Variants in GRIA3 observed in about 807,000 individuals in gnomAD.
The protein encoded by GRIA3 is glutamate ionotropic receptor AMPA type subunit 3.
GRIA3 carries 3 observed loss-of-function variants against 63.0 expected under a neutral mutation model. The ratio of observed to expected loss-of-function variants is 0.05; its 90% CI spans 0.02 to 0.12. The LOEUF (loss-of-function observed/expected upper bound fraction) is 0.12, where lower values mean the gene tolerates loss of function less well. Ranked by LOEUF, GRIA3 falls within the 10% of genes least tolerant of loss-of-function variation. The pLI, the probability that GRIA3 is intolerant of heterozygous loss-of-function variation, is 1.00. For synonymous variants in GRIA3, 274 were observed against 257.9 expected, an observed-to-expected ratio of 1.06 and a Z score of -0.60; for missense variants, 347 against 700.9, an observed-to-expected ratio of 0.50 and a Z score of 5.70.
At chrX:123,298,195 C>T (rs2044698393) in intron 3 of GRIA3, among the ~76,000 whole-genome samples, 1 of 111,493 alleles carries the variant, frequency 9.0e-6, no homozygotes. Context: ...TGAACAGTCA[C>T]ATGCATGTGT....
chrX:123,208,783 A>G (rs192868941), intron 2 of GRIA3, among the ~76,000 whole-genome samples: 9 of 112,173 alleles, frequency 8.0e-5, no homozygotes, highest in Non-Finnish European at 1.5e-4. Flanking sequence ...TTGTGTATAT[A>G]CAGGTGCTGC....
intron 5 of GRIA3, among the ~76,000 whole-genome samples, chrX:123,368,927 G>A (rs954434764): frequency 4.5e-5 from 5 of 111,693 alleles, no homozygotes; most frequent in South Asian, 3.7e-4. Flanking sequence ...GATTGGTGCC[G>A]GATAGCAAAT....
At chrX:123,382,971 A>T (rs1332090011) in intron 5 of GRIA3, among the ~76,000 whole-genome samples, 1 of 111,903 alleles carries the variant, frequency 8.9e-6, no homozygotes, top group East Asian at 2.8e-4. Context: ...CTTTCTCTCA[A>T]GAAAGATGGC....
At chrX:123,254,531 A>T (rs1325074111) in intron 3 of GRIA3, among the ~76,000 whole-genome samples, 6 of 111,707 alleles carry the variant, frequency 5.4e-5, no homozygotes, top group Non-Finnish European at 9.4e-5. Context: ...ACTCAGAAGG[A>T]TTAAATGAAA....
intron 4 of GRIA3, among the ~76,000 whole-genome samples, chrX:123,341,499 A>G (rs765498535): frequency 1.3e-4 from 8 of 62,459 alleles, no homozygotes; most frequent in Non-Finnish European, 2.4e-4. Flanking sequence ...CATGGCTTAC[A>G]CTAACCTCGC....
In GRIA3 at chrX:123,479,129, T is replaced by C. The variant is rs145775304; in HGVS notation, c.2325-934T>C. 3.3e-3 allele frequency among the ~76,000 whole-genome samples: 372 copies of C among 113,127 alleles called. 2 individuals carry two copies. The highest frequency in any genetic ancestry group is 0.017 in the South Asian group (47 of 2,759). On this transcript the variant is annotated intron_variant, in intron 13 of 15. Transcript: ENST00000620443. ...GGCCTGGCCTCCTGGGGATATGTAC[T>C]AGCCTCTTAGTTGAGGAAGTCTTAT... is the stretch of plus-strand genomic sequence containing the variant.
At chrX:123,475,846 G>T (rs1194240238) in intron 13 of GRIA3, among the ~76,000 whole-genome samples, 1 of 111,470 alleles carries the variant, frequency 9.0e-6, no homozygotes, top group African/African-American at 3.3e-5. Flanking sequence ...AATAAAGAGG[G>T]ATGCTACCCT....
intron 2 of GRIA3, among the ~76,000 whole-genome samples, chrX:123,212,618 G>A (rs747034577): frequency 2.1e-4 from 24 of 111,760 alleles, no homozygotes; most frequent in Middle Eastern, 4.6e-3. Context: ...TAGGTTTCTG[G>A]CACAAATTAA....
At chrX:123,286,641 C>T (rs1195405162) in intron 3 of GRIA3, among the ~76,000 whole-genome samples, 1 of 111,493 alleles carries the variant, frequency 9.0e-6, no homozygotes, top group Non-Finnish European at 1.9e-5. Flanking sequence ...AACACCTCTA[C>T]GCAAATAAAC....
At chrX:123,248,633 A>C (rs2147279921) in intron 2 of GRIA3, among the ~76,000 whole-genome samples, 3 of 110,646 alleles carry the variant, frequency 2.7e-5, no homozygotes, top group Admixed American at 1.9e-4. Flanking sequence ...TAAATATACA[A>C]AAATTAGCCG....
intron 2 of GRIA3, among the ~76,000 whole-genome samples, chrX:123,229,090 T>C (rs1310065238): frequency 6.3e-5 from 7 of 111,266 alleles, no homozygotes; most frequent in Non-Finnish European, 1.3e-4. Context: ...GTAGCAGGAA[T>C]TGGCAGTGGA....
chrX:123,407,402 T>A (rs2045479961), intron 10 of GRIA3, among the ~76,000 whole-genome samples: 1 of 111,077 alleles, frequency 9.0e-6, no homozygotes, highest in African/African-American at 3.3e-5. Context: ...ATAAACTGGG[T>A]CACTTATAAA....
intron 3 of GRIA3, among the ~76,000 whole-genome samples, chrX:123,289,910 T>C (rs2044645531): frequency 8.9e-6 from 1 of 111,902 alleles, no homozygotes; most frequent in Admixed American, 9.5e-5. Flanking sequence ...ATAATTTTTT[T>C]ATCTTCTCTG....
intron 2 of GRIA3, among the ~76,000 whole-genome samples, chrX:123,245,898 G>A (rs2044356301): frequency 8.9e-6 from 1 of 111,737 alleles, no homozygotes; most frequent in Non-Finnish European, 1.9e-5. Flanking sequence ...CAGATGTTTA[G>A]CCTGACAGGA....
chrX:123,253,929 C>T (rs1267838066), intron 3 of GRIA3, among the ~76,000 whole-genome samples: 1 of 111,356 alleles, frequency 9.0e-6, no homozygotes, highest in African/African-American at 3.3e-5. Context: ...TGTAATTATC[C>T]CCATTTCATA....
At chrX:123,396,401 T>C (rs753326118) in intron 6 of GRIA3, among the ~76,000 whole-genome samples, 1 of 110,392 alleles carries the variant, frequency 9.1e-6, no homozygotes, top group South Asian at 3.8e-4. Context: ...GGGTTAAACA[T>C]ACTTTTTTCG....
chrX:123,485,079 C>T (rs2045934086), intron 15 of GRIA3, among the ~76,000 whole-genome samples: 1 of 112,471 alleles, frequency 8.9e-6, no homozygotes, highest in South Asian at 3.7e-4. Flanking sequence ...ATGTTTTACT[C>T]TTGAGTAGGT....
At chrX:123,254,317 C>T (rs1437947993) in intron 3 of GRIA3, among the ~76,000 whole-genome samples, 9 of 111,429 alleles carry the variant, frequency 8.1e-5, no homozygotes, top group Non-Finnish European at 1.7e-4. Context: ...ACAGTAAGGT[C>T]TATTGATTAA....
At chrX:123,324,493 T>C (rs1351302756) in intron 3 of GRIA3, among the ~76,000 whole-genome samples, 1 of 111,945 alleles carries the variant, frequency 8.9e-6, no homozygotes, top group Non-Finnish European at 1.9e-5. Context: ...CTATGTTTAT[T>C]TCTCAATCCC....
Sources: allele counts gnomAD v4.1 joint callset (sites outside exome capture counted in the v4.1 genomes callset), GRCh38; gene constraint gnomAD v4.1.1; transcripts MANE v1.5; gene names NCBI Gene and HGNC (gene_info 2026-07-23, HGNC 2026-07-21).